The following TBC1D22A variants were observed in gnomAD, a reference collection of about 807,000 sequenced individuals.
The protein encoded by TBC1D22A is putative GTPase activator.
Under a neutral mutation model 60.2 loss-of-function variants are expected in TBC1D22A, and 38 were observed. That is an observed-to-expected ratio of 0.63 (90% CI 0.49 to 0.83). The LOEUF is 0.83. Among genes scored for constraint, TBC1D22A ranks in the 40% least tolerant of loss-of-function variants. TBC1D22A has a pLI of 0.00. For missense variants in TBC1D22A, 628 were observed against 701.0 expected, an observed-to-expected ratio of 0.90 and a Z score of 1.18; for synonymous variants, 302 against 281.7, an observed-to-expected ratio of 1.07 and a Z score of -0.72.
At chr22:47,029,530 G>T (rs1242242139) in intron 10 of TBC1D22A, among the ~76,000 whole-genome samples, 2 of 152,162 alleles carry the variant, frequency 1.3e-5, no homozygotes, top group Non-Finnish European at 2.9e-5. Context: ...AGGCTCACCT[G>T]ACTCTACAAC....
intron 11 of TBC1D22A, among the ~76,000 whole-genome samples, chr22:47,078,512 AC>A (rs2147548651): frequency 6.6e-6 from 1 of 152,182 alleles, no homozygotes; most frequent in African/African-American, 2.4e-5. Context: ...ACTTCATGAG[AC>A]CATTGTGAGG....
chr22:46,896,286 A>G (rs1453251170), intron 7 of TBC1D22A, among the ~76,000 whole-genome samples: 2 of 151,228 alleles, frequency 1.3e-5, no homozygotes, highest in Non-Finnish European at 2.9e-5. Flanking sequence ...TGTATGTTGT[A>G]AAGATCTTCT....
At chr22:46,861,458 GCT>G (rs1207481425) in intron 4 of TBC1D22A, among the ~76,000 whole-genome samples, 1 of 152,246 alleles carries the variant, frequency 6.6e-6, no homozygotes, top group Admixed American at 6.5e-5. Flanking sequence ...TCTGTGAGCA[GCT>G]CAGGTGGCCG....
chr22:47,097,367 G>C (rs2147650633), intron 11 of TBC1D22A, among the ~76,000 whole-genome samples: 1 of 152,318 alleles, frequency 6.6e-6, no homozygotes, highest in South Asian at 2.1e-4. Context: ...TGTAATCCCA[G>C]CATTTTGGGA....
intron 11 of TBC1D22A, among the ~76,000 whole-genome samples, chr22:47,067,251 G>A (rs76039609): frequency 6.6e-6 from 1 of 152,212 alleles, no homozygotes; most frequent in Non-Finnish European, 1.5e-5. Flanking sequence ...GGGCAACAGA[G>A]TGAGACTCTG....
rs80296733 is a variant in TBC1D22A, at chr22:46,985,671, G to A, written c.1125+11272G>A. On this transcript the variant is annotated intron_variant, in intron 9 of 12. Coordinates refer to ENST00000337137, the MANE Select transcript of TBC1D22A (RefSeq NM_014346.5). ...ATCCATCCTCCTGTTGGTGGCAGCC[G>A]AGGCTGTTTCTGGTCTTGGGCTGTT... Among the ~76,000 whole-genome samples the A allele has an allele frequency of 2.0e-5, 3 of 152,288 alleles. No individual in the cohort carries two copies. In the East Asian group the frequency reaches 5.8e-4, roughly 29 times the overall value.
chr22:47,170,102 G>T (rs1385122627), intron 12 of TBC1D22A, among the ~76,000 whole-genome samples: 1 of 152,192 alleles, frequency 6.6e-6, no homozygotes, highest in Non-Finnish European at 1.5e-5. Context: ...TTTTAAAAAA[G>T]AAATCTGTAT....
intron 8 of TBC1D22A, among the ~76,000 whole-genome samples, chr22:46,957,754 G>A (rs1249416976): frequency 6.6e-6 from 1 of 152,250 alleles, no homozygotes. Context: ...GGCGAGAGGT[G>A]AGGCTGTGCC....
chr22:47,148,753 T>C (rs909467965), intron 12 of TBC1D22A, among the ~76,000 whole-genome samples: 1 of 149,198 alleles, frequency 6.7e-6, no homozygotes, highest in Admixed American at 6.6e-5. Context: ...CTCCCTCCTC[T>C]GGGTTCTTCT....
chr22:46,976,767 C>T (rs368180577), intron 9 of TBC1D22A, among the ~76,000 whole-genome samples: 69 of 152,278 alleles, frequency 4.5e-4, no homozygotes, highest in East Asian at 4.5e-3. Flanking sequence ...GCTCTCAGCC[C>T]GGCCTCCACC....
chr22:47,070,167 G>T (rs909126663), intron 11 of TBC1D22A, among the ~76,000 whole-genome samples: 2 of 144,588 alleles, frequency 1.4e-5, no homozygotes, highest in African/African-American at 5.3e-5. Context: ...CTGACCTGAC[G>T]GTCCTGGCTG....
rs2148257005 is a variant in TBC1D22A at position 47,002,502 on chromosome 22, AT to A, written c.1201+4795del. Among the ~76,000 whole-genome samples the A allele has an allele frequency of 1.3e-5, 2 of 152,286 alleles. 1 individual carries two copies. Among genetic ancestry groups the A allele is most frequent in the South Asian group, 4.1e-4 (2 of 4,830 alleles). ...AATGAGATATTTGCTACATTTTTTGATTAAAAAAACCATAGAGAACTTTTTT... is the reference window on the plus strand; with the variant it reads ...AATGAGATATTTGCTACATTTTTTGATAAAAAAACCATAGAGAACTTTTTT... On this transcript the variant is annotated intron_variant, in intron 10 of 12. Coordinates refer to ENST00000337137, the MANE Select transcript of TBC1D22A (RefSeq NM_014346.5).
intron 9 of TBC1D22A, among the ~76,000 whole-genome samples, chr22:46,993,171 A>C (rs2075007818): frequency 6.6e-6 from 1 of 152,176 alleles, no homozygotes; most frequent in African/African-American, 2.4e-5. Flanking sequence ...TCTTCTCTAA[A>C]ATGCTCCCTA....
chr22:46,781,471 C>CAGCCGGACTTGGACTTATTTA (rs2083934811), intron 1 of TBC1D22A, among the ~76,000 whole-genome samples: 1 of 152,228 alleles, frequency 6.6e-6, no homozygotes, highest in Non-Finnish European at 1.5e-5. Flanking sequence ...CCACCACGCC[C>CAGCCGGACTTGGACTTATTTA]AACCCCAGTT....
At position 47,009,020 on chromosome 22, in the gene TBC1D22A, C is replaced by G. The variant is rs534242207; in HGVS notation, c.1201+11311C>G. ...TCGAACATTTCTGGCTTATTCTAAT[C>G]TACTCTTCAGCTCTGTGGAGTAACA... On this transcript the variant is annotated intron_variant, in intron 10 of 12. Transcript: ENST00000337137. This position sits in a 1 kb window ranked among gnomAD's most constrained non-coding sequence, Gnocchi z 5.8. Among the ~76,000 whole-genome samples the G allele has an allele frequency of 3.3e-5, 5 of 152,330 alleles. No homozygotes were observed. Among genetic ancestry groups the G allele is most frequent in the Admixed American group, 6.5e-5 (1 of 15,306 alleles).
chr22:47,076,313 G>A (rs528198391), intron 11 of TBC1D22A, among the ~76,000 whole-genome samples: 2 of 144,942 alleles, frequency 1.4e-5, no homozygotes, highest in African/African-American at 2.5e-5. Context: ...TGGGACTGAT[G>A]TATATATATG....
intron 4 of TBC1D22A, among the ~76,000 whole-genome samples, chr22:46,866,181 C>T (rs534294022): frequency 1.1e-4 from 17 of 152,268 alleles, no homozygotes; most frequent in East Asian, 5.8e-4. Context: ...CTTGCCTCAC[C>T]GCAACCTCCT....
intron 8 of TBC1D22A, among the ~76,000 whole-genome samples, chr22:46,973,951 A>T (rs948123506): frequency 6.6e-6 from 1 of 152,256 alleles, no homozygotes; most frequent in African/African-American, 2.4e-5. Context: ...TCAAAATCTT[A>T]GGAAAAAACT....
In TBC1D22A at chr22:46,821,908, C is replaced by G. The variant is rs72490206; in HGVS notation, c.637+24288C>G. 1.7e-4 allele frequency among the ~76,000 whole-genome samples: 26 copies of G among 152,076 alleles called. No homozygotes were observed. The East Asian group carries it at 4.3e-3, about 25-fold the overall frequency. ...TAGGTTCGGTCATTTTATGAAGTCT[C>G]ATATTTCTTGGAGGCTTTGTTCATT... On this transcript the variant is annotated intron_variant, in intron 4 of 12. Coordinates refer to ENST00000337137, the MANE Select transcript of TBC1D22A (RefSeq NM_014346.5).
Sources: gnomAD v4.1 joint callset for allele counts (sites outside exome capture counted in the v4.1 genomes callset) on GRCh38, gnomAD v4.1.1 for gene constraint, Gnocchi (gnomAD v3.1) non-coding constraint, MANE v1.5 for transcripts, NCBI Gene and HGNC (gene_info 2026-07-23, HGNC 2026-07-21) for gene names.